FMN2: variants seen among roughly 807,000 people sequenced by gnomAD.
FMN2 encodes the protein formin-2.
A neutral mutation model predicts 142.3 loss-of-function variants in FMN2; 51 were observed. That is an observed-to-expected ratio of 0.36 (90% CI 0.29 to 0.45). The LOEUF is 0.45. Among genes scored for constraint, FMN2 ranks in the 20% least tolerant of loss-of-function variants. The pLI, the probability that FMN2 is intolerant of heterozygous loss-of-function variation, is 1.00. For synonymous variants in FMN2, 882 were observed against 869.8 expected, an observed-to-expected ratio of 1.01 and a Z score of -0.25; for missense variants, 1,936 against 2,122.8, an observed-to-expected ratio of 0.91 and a Z score of 1.73.
At chr1:240,098,707 T>C (rs1314075327) in intron 1 of FMN2, among the ~76,000 whole-genome samples, 3 of 152,210 alleles carry the variant, frequency 2.0e-5, no homozygotes, top group Admixed American at 2.0e-4. Context: ...TCAATCATTT[T>C]AGATGGGTCT....
chr1:240,203,664 T>C (rs1479471789), intron 4 of FMN2, among the ~76,000 whole-genome samples: 1 of 150,582 alleles, frequency 6.6e-6, no homozygotes, highest in Admixed American at 6.6e-5. Flanking sequence ...TTAGGAGGAG[T>C]ATGGGGAGGG....
chr1:240,318,808 T>C (rs79597386), intron 8 of FMN2, among the ~76,000 whole-genome samples: 10,837 of 151,960 alleles, frequency 0.071, 448 homozygotes, highest in Admixed American at 0.12. Flanking sequence ...ACAAGGATGG[T>C]GGCAGTGGAG....
chr1:240,226,794 C>G (rs908285158), intron 6 of FMN2, among the ~76,000 whole-genome samples: 11 of 147,508 alleles, frequency 7.5e-5, no homozygotes, highest in Non-Finnish European at 1.2e-4. Flanking sequence ...GTTACCAAAT[C>G]GTATACACTT....
At chr1:240,328,591 ATTTATTTATTTATTTG>A (rs1363634020) in intron 8 of FMN2, among the ~76,000 whole-genome samples, 76 of 133,758 alleles carry the variant, frequency 5.7e-4, no homozygotes, top group Admixed American at 1.1e-3. Flanking sequence ...TTATTTATTT[ATTTATTTATTTATTTG>A]AGACAAGAGT....
intron 2 of FMN2, among the ~76,000 whole-genome samples, chr1:240,137,069 CAAAAAA>C (rs563163509): frequency 1.3e-5 from 1 of 76,198 alleles, no homozygotes; most frequent in Non-Finnish European, 2.5e-5. Flanking sequence ...AACTCCGTCT[CAAAAAA>C]AAAAAAAAAA....
chr1:240,334,300 T>G, intron 13 of FMN2, 71 bp downstream of exon 13: 1 of 1,431,016 alleles, frequency 7.0e-7, no homozygotes, highest in Non-Finnish European at 9.2e-7. Context: ...CTTTTCAATG[T>G]TTTTAGAGAA....
chr1:240,333,944 G>C lies in FMN2; in HGVS notation c.4642G>C (p.Glu1548Gln), dbSNP rs746437010. 6.2e-7 allele frequency: 1 copy of C among 1,607,898 alleles called. No homozygotes were observed. Among genetic ancestry groups the C allele is most frequent in the Admixed American group, 1.7e-5 (1 of 59,586 alleles). ...IVSYYLRNFD[E>Q]DAGKEQCLFP... Reference sequence around the variant, plus strand: ...TTCGTATTATCTCCGAAATTTTGATGAGGTAAGACAATTTTTACATATAGT... The same window carrying C: ...TTCGTATTATCTCCGAAATTTTGATCAGGTAAGACAATTTTTACATATAGT... Residue 1548 changes from glutamate to glutamine, a missense_variant and splice_region_variant, in exon 12 of 18, where the codon GAG (glutamate) becomes CAG (glutamine). Physicochemically the swap from Glu to Gln is conservative, Grantham distance 29. This residue lies in a region of FMN2 where 322 missense variants were observed against 401.6 expected (regional missense o/e 0.80). Transcript: ENST00000319653.
chr1:240,247,756 A>G (rs578078524), intron 6 of FMN2, among the ~76,000 whole-genome samples: 103 of 152,252 alleles, frequency 6.8e-4, no homozygotes, highest in Non-Finnish European at 1.3e-3. Context: ...TCCTACTCTC[A>G]TGTTCTGATT....
At chr1:240,134,310 A>G (rs955139621) in intron 2 of FMN2, among the ~76,000 whole-genome samples, 2 of 152,188 alleles carry the variant, frequency 1.3e-5, no homozygotes, top group African/African-American at 4.8e-5. Flanking sequence ...AAGGTTGCCT[A>G]TGTTTGATAA....
intron 15 of FMN2, among the ~76,000 whole-genome samples, chr1:240,435,552 T>C (rs1475960456): frequency 6.6e-6 from 1 of 152,088 alleles, no homozygotes; most frequent in Admixed American, 6.6e-5. Flanking sequence ...ATATGTAATA[T>C]AAAATACATT....
intron 1 of FMN2, among the ~76,000 whole-genome samples, chr1:240,095,921 A>G (rs1303398381): frequency 6.6e-6 from 1 of 152,116 alleles, no homozygotes; most frequent in Admixed American, 6.5e-5. Flanking sequence ...TCGTTTTTAT[A>G]AGGACATCAC....
At chr1:240,378,734 A>G (rs1328815702) in intron 14 of FMN2, among the ~76,000 whole-genome samples, 1 of 152,106 alleles carries the variant, frequency 6.6e-6, no homozygotes, top group Non-Finnish European at 1.5e-5. Context: ...GCAGTGTCTA[A>G]TCTTACGTGA....
In FMN2 at chr1:240,208,460, G is replaced by A. The variant is rs1368428368; in HGVS notation, c.3648G>A (p.Gly1216=). ...IPPPPPLPGM[G]IPPAPAPPLP... ...CACCTCCTCCCTTGCCAGGTATGGG[G>A]ATTCCACCTGCTCCAGCTCCCCCAC... The change falls in exon 5 of 18, where the codon GGG becomes GGA. Residue 1216 remains glycine, a synonymous_variant. Transcript: ENST00000319653. 6.2e-7 allele frequency: 1 copy of A among 1,608,960 alleles called. No homozygotes were observed. The highest frequency in any genetic ancestry group is 8.5e-7 in the Non-Finnish European group (1 of 1,178,296).
intron 15 of FMN2, among the ~76,000 whole-genome samples, chr1:240,434,394 T>C (rs1451259392): frequency 1.3e-5 from 2 of 152,056 alleles, no homozygotes; most frequent in African/African-American, 4.8e-5. Flanking sequence ...CCCAAGTGGG[T>C]CTCTTTCGTG....
At chr1:240,184,048 G>A (rs28412346) in intron 3 of FMN2, among the ~76,000 whole-genome samples, 29,356 of 151,546 alleles carry the variant, frequency 0.19, 2,935 homozygotes, top group Middle Eastern at 0.32. Context: ...GGCATATCCC[G>A]CTCATTGTCT....
At chr1:240,242,383 G>A (rs539689482) in intron 6 of FMN2, among the ~76,000 whole-genome samples, 1 of 152,300 alleles carries the variant, frequency 6.6e-6, no homozygotes, top group South Asian at 2.1e-4. Flanking sequence ...GTGGGAAGAT[G>A]TCCTGCAGAC....
At chr1:240,257,239 C>T (rs1218313324) in intron 6 of FMN2, among the ~76,000 whole-genome samples, 2 of 152,142 alleles carry the variant, frequency 1.3e-5, no homozygotes, top group Non-Finnish European at 2.9e-5. Flanking sequence ...GTTTTAGGAA[C>T]CCTTCGCATG....
At position 240,148,353 on chromosome 1, in the gene FMN2, CAG is replaced by C. The variant is rs112012554; in HGVS notation, c.1782+25014_1782+25015del. ...AGACAGACAGATAAAGAGAGAAAGA[CAG>C]AGAGACAGAGACAGAGAGAGAGAGA... On this transcript the variant is annotated intron_variant, in intron 2 of 17. Coordinates refer to ENST00000319653, the MANE Select transcript of FMN2 (RefSeq NM_020066.5). Among the ~76,000 whole-genome samples, 71 of 110,782 alleles carry C rather than the reference CAG, an allele frequency of 6.4e-4. 1 individual carries two copies. The highest frequency in any genetic ancestry group is 9.0e-4 in the African/African-American group (24 of 26,520). The allele number at this position is 110,782 out of a possible 152,430, so 72.7% of individuals were successfully genotyped here.
chr1:240,442,705 A>G (rs1395732148), intron 16 of FMN2, among the ~76,000 whole-genome samples: 2 of 152,196 alleles, frequency 1.3e-5, no homozygotes, highest in Non-Finnish European at 2.9e-5. Flanking sequence ...TTTGCGTCTG[A>G]TTACAGAGTG....
Sources: allele counts gnomAD v4.1 joint callset (sites outside exome capture counted in the v4.1 genomes callset), GRCh38; gene constraint gnomAD v4.1.1; regional missense constraint gnomAD v4.1.1; transcripts MANE v1.5; gene names NCBI Gene and HGNC (gene_info 2026-07-23, HGNC 2026-07-21).